Variants in PSMC6 observed in about 807,000 individuals in gnomAD.
The protein encoded by PSMC6 is 26S proteasome regulatory subunit 10B.
A neutral mutation model predicts 55.9 loss-of-function variants in PSMC6; 3 were observed. The ratio of observed to expected loss-of-function variants is 0.05; its 90% CI spans 0.02 to 0.14. The LOEUF is 0.14. Ranked by LOEUF, PSMC6 falls within the 10% of genes least tolerant of loss-of-function variation. The probability of loss-of-function intolerance (pLI) is 1.00; values close to 1 mark genes in which losing one functional copy is unlikely to be tolerated. For missense variants in PSMC6, 210 were observed against 478.7 expected (o/e 0.44, Z 5.24); for synonymous variants, 137 against 155.9 (o/e 0.88, Z 0.90).
chr14:52,712,908 G>A (rs10145199), intron 6 of PSMC6, among the ~76,000 whole-genome samples: 5,291 of 151,978 alleles, frequency 0.035, 319 homozygotes, highest in African/African-American at 0.12. Flanking sequence ...GTGAGCCACC[G>A]CACCTAGCCC....
intron 6 of PSMC6, among the ~76,000 whole-genome samples, chr14:52,713,627 C>A (rs1279601154): frequency 6.6e-6 from 1 of 151,762 alleles, no homozygotes; most frequent in Non-Finnish European, 1.5e-5. Context: ...AGTTATATAT[C>A]TGTGTAACCA....
chr14:52,718,561 G>A, intron 9 of PSMC6: 1 of 499,782 alleles, frequency 2.0e-6, no homozygotes, highest in South Asian at 2.2e-5. Flanking sequence ...GGCCAAGGTG[G>A]GCAGATCACC....
rs868037779 is a variant in PSMC6 at position 52,714,888 on chromosome 14, A to T, written c.529+920A>T. Among the ~76,000 whole-genome samples the T allele has an allele frequency of 8.8e-3, 1,254 of 142,760 alleles. 11 individuals are homozygous for T. The highest frequency in any genetic ancestry group is 0.024 in the African/African-American group (913 of 38,200). The allele number at this position is 142,760 out of a possible 152,430, so 93.7% of individuals were successfully genotyped here. A position where few individuals can be genotyped will look rare whatever the true frequency, so the allele number is the denominator to read the frequency against. On this transcript the variant is annotated intron_variant, in intron 7 of 13. Transcript: ENST00000445930. ...CTCAAAAAAAAAAAAAAAAAAAAAA[A>T]TTTTTTTATATAAAGCAAATGTACC...
chr14:52,723,283 A>G (rs980240579), intron 12 of PSMC6: 3 of 152,254 alleles, frequency 2.0e-5, no homozygotes, highest in Non-Finnish European at 4.4e-5. Context: ...AGTTATTCAA[A>G]CTGTAGTAGC....
At chr14:52,707,599 A>T in intron 1 of PSMC6, 1 of 356,090 alleles carries the variant, frequency 2.8e-6, no homozygotes, top group Non-Finnish European at 5.3e-6. Flanking sequence ...TTAGGGTGCA[A>T]GAAGGGCAGT....
At chr14:52,723,270 CAA>C (rs1324932265) in intron 12 of PSMC6, 1 of 152,262 alleles carries the variant, frequency 6.6e-6, no homozygotes, top group East Asian at 1.9e-4. Context: ...GGTGCATCAT[CAA>C]AGTTATTCAA....
Position 52,724,049 on chromosome 14 carries a change from A to C in PSMC6, c.1051+13A>C. 1 of 1,606,244 alleles carries C rather than the reference A, an allele frequency of 6.2e-7. No individual in the cohort carries two copies. The highest frequency in any genetic ancestry group is 8.5e-7 in the Non-Finnish European group (1 of 1,174,860). ...TGTACTGAAGCAGGTAAGGGTTTAA[A>C]GTACAGTTTTACTATTGATTTTGAT... On this transcript the variant is annotated intron_variant, in intron 13 of 13. Coordinates refer to ENST00000445930, the MANE Select transcript of PSMC6 (RefSeq NM_002806.5).
In PSMC6 at chr14:52,718,962, A is replaced by T; in HGVS notation, c.716-15A>T. 6.3e-7 allele frequency: 1 copy of T among 1,598,666 alleles called. No homozygotes were observed. Among genetic ancestry groups the T allele is most frequent in the Non-Finnish European group, 8.6e-7 (1 of 1,166,504 alleles). ...AAAGAGTAATGCATATAAATTTCCA[A>T]ATCTACTATCTTAGGTGGTCGTCGG... is the stretch of plus-strand genomic sequence containing the variant. On this transcript the variant is annotated splice_polypyrimidine_tract_variant and intron_variant, in intron 9 of 13. Coordinates refer to ENST00000445930, the MANE Select transcript of PSMC6 (RefSeq NM_002806.5).
At chr14:52,714,888 A>AT (rs67830638) in intron 7 of PSMC6, among the ~76,000 whole-genome samples, 49 of 142,986 alleles carry the variant, frequency 3.4e-4, no homozygotes, top group South Asian at 1.1e-3. Context: ...AAAAAAAAAA[A>AT]TTTTTTTATA....
At chr14:52,707,467 C>A in intron 1 of PSMC6, 163 bp downstream of exon 1, 1 of 926,444 alleles carries the variant, frequency 1.1e-6, no homozygotes, top group Non-Finnish European at 1.6e-6. Context: ...TGTGGAGCAG[C>A]ACTCCTTCGG....
At chr14:52,709,289 C>A (rs2041738867) in intron 4 of PSMC6, among the ~76,000 whole-genome samples, 1 of 152,184 alleles carries the variant, frequency 6.6e-6, no homozygotes, top group Non-Finnish European at 1.5e-5. Flanking sequence ...AAGATGCCAA[C>A]AAATGACCTC....
chr14:52,712,816 C>T (rs547322838), intron 6 of PSMC6, among the ~76,000 whole-genome samples: 1 of 152,172 alleles, frequency 6.6e-6, no homozygotes, highest in East Asian at 2.0e-4. Flanking sequence ...GGGGTTTCAC[C>T]ATGTTGTCCA....
chr14:52,708,655 A>T, intron 3 of PSMC6, 109 bp from the exon 4 acceptor site: 1 of 1,552,654 alleles, frequency 6.4e-7, no homozygotes, highest in Non-Finnish European at 8.8e-7. Flanking sequence ...TTTTCCTTCA[A>T]CTAATGTCTC....
At position 52,723,983 on chromosome 14, in the gene PSMC6, A is replaced by G. The variant is rs556787109; in HGVS notation, c.998A>G (p.Lys333Arg). 20 of 1,613,990 alleles carry G rather than the reference A, an allele frequency of 1.2e-5. No individual in the cohort carries two copies. The highest frequency in any genetic ancestry group is 1.7e-5 in the Non-Finnish European group (20 of 1,179,906). Residue 333 changes from lysine (K) to arginine (R), a missense_variant, in exon 13 of 14, where the codon AAG (lysine) becomes AGG (arginine). Coordinates refer to ENST00000445930, the MANE Select transcript of PSMC6 (RefSeq NM_002806.5). ...TAAACAGATTATGAAGCAATTGTGA[A>G]GCTTTCGGATGGCTTTAATGGAGCA... The part of the protein sequence containing the change: ...HGEIDYEAIV[K>R]LSDGFNGADL...
At chr14:52,722,787 G>A (rs777422019) in intron 12 of PSMC6, 1 of 152,174 alleles carries the variant, frequency 6.6e-6, no homozygotes, top group African/African-American at 2.4e-5. Context: ...ACCCAAGCAT[G>A]CTCATTTATC....
intron 6 of PSMC6, 120 bp from the exon 7 acceptor site, chr14:52,713,761 C>G: frequency 1.8e-6 from 1 of 568,326 alleles, no homozygotes; most frequent in Non-Finnish European, 3.0e-6. Flanking sequence ...GCATGGAAGT[C>G]TAGGTCTATT....
intron 7 of PSMC6, among the ~76,000 whole-genome samples, chr14:52,716,646 G>T (rs577552684): frequency 6.6e-6 from 1 of 152,038 alleles, no homozygotes; most frequent in African/African-American, 2.4e-5. Context: ...CCAGCTACTC[G>T]GGAGGCAGAG....
chr14:52,723,904 G>T (rs1880302741), intron 12 of PSMC6, 61 bp from the exon 13 acceptor site: 1 of 1,592,896 alleles, frequency 6.3e-7, no homozygotes, highest in South Asian at 1.1e-5. Context: ...TTTTCGATGT[G>T]GGCATAAATC....
intron 13 of PSMC6, among the ~76,000 whole-genome samples, chr14:52,726,779 TTACA>T (rs1880432501): frequency 1.3e-5 from 2 of 150,356 alleles, no homozygotes; most frequent in Admixed American, 6.7e-5. Flanking sequence ...GTAGCTGGGG[TTACA>T]GATGCCCACT....
Sources: allele counts gnomAD v4.1 joint callset (sites outside exome capture counted in the v4.1 genomes callset), GRCh38; gene constraint gnomAD v4.1.1; transcripts MANE v1.5; gene names NCBI Gene and HGNC (gene_info 2026-07-23, HGNC 2026-07-21).